CMC1: variants seen among roughly 807,000 people sequenced by gnomAD.
CMC1 encodes the protein COX assembly mitochondrial protein homolog.
CMC1 carries 14 observed loss-of-function variants against 14.1 expected under a neutral mutation model. The ratio of observed to expected loss-of-function variants is 0.99; its 90% CI spans 0.66 to 1.55. CMC1 has a LOEUF of 1.55. CMC1 is among the 40% of genes most tolerant of loss of function. CMC1 has a pLI of 0.00. For missense variants in CMC1, 127 were observed against 123.8 expected (o/e 1.03, Z -0.12); for synonymous variants, 50 against 38.4 (o/e 1.30, Z -1.12).
chr3:28,253,878 C>A, intron 1 of CMC1: 1 of 445,128 alleles, frequency 2.2e-6, no homozygotes, highest in Non-Finnish European at 4.1e-6. Context: ...CTTCATATAT[C>A]ACATTCTTTG....
At chr3:28,284,485 CAT>C (rs1158893099) in intron 2 of CMC1, among the ~76,000 whole-genome samples, 1 of 152,288 alleles carries the variant, frequency 6.6e-6, no homozygotes. Context: ...TAATAGTGCA[CAT>C]GTTTCTCTCC....
chr3:28,279,449 C>G (rs1700755833), intron 2 of CMC1, among the ~76,000 whole-genome samples: 2 of 152,160 alleles, frequency 1.3e-5, no homozygotes, highest in South Asian at 4.1e-4. Context: ...TACACAGAAA[C>G]AAGAAGACAT....
chr3:28,310,410 A>T (rs1192227184), intron 2 of CMC1, among the ~76,000 whole-genome samples: 3 of 152,250 alleles, frequency 2.0e-5, no homozygotes, highest in African/African-American at 7.2e-5. Context: ...TGAGCCCCTG[A>T]ATAAATGAGA....
At chr3:28,263,552 T>A (rs1699841835) in intron 2 of CMC1, among the ~76,000 whole-genome samples, 172 bp downstream of exon 2, 1 of 152,172 alleles carries the variant, frequency 6.6e-6, no homozygotes, top group African/African-American at 2.4e-5. Flanking sequence ...GATGTTCAAT[T>A]CATTTACAGT....
chr3:28,273,963 A>G (rs543252038), intron 2 of CMC1, among the ~76,000 whole-genome samples: 23 of 151,956 alleles, frequency 1.5e-4, no homozygotes, highest in Non-Finnish European at 3.1e-4. Context: ...CCATTCCTCT[A>G]TTTTGAGCCT....
intron 3 of CMC1, chr3:28,318,994 C>T (rs1277570618): frequency 8.2e-6 from 2 of 244,006 alleles, no homozygotes; most frequent in East Asian, 2.3e-4. Context: ...TCATTTCAGG[C>T]CTTTTCTCCT....
rs1332672823 is a variant in CMC1 at position 28,319,552 on chromosome 3, C to G, written c.244C>G (p.Leu82Val). 1 of 1,606,776 alleles carries G rather than the reference C, an allele frequency of 6.2e-7. No homozygotes were observed. Among genetic ancestry groups the G allele is most frequent in the Non-Finnish European group, 8.5e-7 (1 of 1,175,264 alleles). Residue 82 changes from leucine to valine, a missense_variant, in exon 4 of 4, where the codon CTG becomes GTG. By Grantham distance (32) the Leu-to-Val change is conservative. Coordinates refer to ENST00000466830, the MANE Select transcript of CMC1 (RefSeq NM_182523.2). ...AFYEECKMEY[L>V]KEREEFRKTG... is the part of the protein sequence containing the mutation. Reference sequence around the variant, plus strand: ...TTATGAAGAATGCAAAATGGAATACCTGAAGGAAAGGGAAGAATTCAGAAA... The same window carrying G: ...TTATGAAGAATGCAAAATGGAATACGTGAAGGAAAGGGAAGAATTCAGAAA...
intron 2 of CMC1, among the ~76,000 whole-genome samples, chr3:28,280,976 T>C (rs1056538649): frequency 2.6e-5 from 4 of 152,224 alleles, no homozygotes; most frequent in Non-Finnish European, 5.9e-5. Flanking sequence ...GCTTTCACAC[T>C]ACAGCAGTAG....
At chr3:28,252,976 T>G (rs1213353140) in intron 1 of CMC1, among the ~76,000 whole-genome samples, 1 of 152,044 alleles carries the variant, frequency 6.6e-6, no homozygotes, top group Non-Finnish European at 1.5e-5. Context: ...CCTTTTTGTT[T>G]TTGTTTTGTC....
intron 2 of CMC1, among the ~76,000 whole-genome samples, chr3:28,283,067 C>T (rs958897194): frequency 6.7e-6 from 1 of 149,758 alleles, no homozygotes; most frequent in Non-Finnish European, 1.5e-5. Context: ...CTCATACCTT[C>T]CTAGTCAGTG....
chr3:28,294,490 C>T, intron 2 of CMC1: 1 of 974,216 alleles, frequency 1.0e-6, no homozygotes, highest in Non-Finnish European at 1.2e-6. Context: ...GAGAATTTTC[C>T]AAACTAAGTG....
intron 1 of CMC1, among the ~76,000 whole-genome samples, chr3:28,250,810 AT>A (rs1490776036): frequency 6.6e-6 from 1 of 152,192 alleles, no homozygotes; most frequent in Non-Finnish European, 1.5e-5. Flanking sequence ...ACCTTGTGGG[AT>A]TGCCCCAGGA....
chr3:28,302,156 G>A (rs1702086392), intron 2 of CMC1, among the ~76,000 whole-genome samples: 3 of 152,100 alleles, frequency 2.0e-5, no homozygotes, highest in Admixed American at 2.0e-4. Context: ...TGCCAGAATG[G>A]GCTGTAGACC....
intron 2 of CMC1, among the ~76,000 whole-genome samples, chr3:28,288,105 A>G (rs1701284544): frequency 6.6e-6 from 1 of 152,112 alleles, no homozygotes; most frequent in Non-Finnish European, 1.5e-5. Context: ...AAAATTATTG[A>G]ACAGCTCTGG....
At chr3:28,264,997 TTAAAA>T (rs1281707493) in intron 2 of CMC1, among the ~76,000 whole-genome samples, 1 of 152,182 alleles carries the variant, frequency 6.6e-6, no homozygotes, top group Non-Finnish European at 1.5e-5. Context: ...GAGTATAACT[TTAAAA>T]TATTTATTTG....
intron 2 of CMC1, among the ~76,000 whole-genome samples, chr3:28,313,354 T>G (rs1702736217): frequency 1.3e-5 from 2 of 152,204 alleles, no homozygotes; most frequent in South Asian, 4.1e-4. Context: ...TATTCTTTTG[T>G]ATTATCTTAA....
In CMC1 at chr3:28,324,065, G is replaced by T. The variant is rs1166098999; in HGVS notation, c.*4436G>T. ...AATTAATTCTTATAAAGGCAGTTCTGATTATGTTGATCCAAGTAATGCAGT... is the reference window on the plus strand; with the variant it reads ...AATTAATTCTTATAAAGGCAGTTCTTATTATGTTGATCCAAGTAATGCAGT... On this transcript the variant is annotated 3_prime_UTR_variant, in exon 4 of 4. Transcript: ENST00000466830. 5.0e-6 allele frequency: 8 copies of T among 1,608,852 alleles called. No individual in the cohort carries two copies. The highest frequency in any genetic ancestry group is 5.9e-6 in the Non-Finnish European group (7 of 1,176,606).
intron 2 of CMC1, among the ~76,000 whole-genome samples, chr3:28,271,646 G>T (rs1435266950): frequency 1.3e-5 from 2 of 152,120 alleles, no homozygotes; most frequent in African/African-American, 2.4e-5. Flanking sequence ...CTCCACCTTT[G>T]TTCTTTTTGC....
Position 28,293,504 on chromosome 3 carries a change from A to G in CMC1, c.110-22829A>G, listed in dbSNP as rs1701588388. On this transcript the variant is annotated intron_variant, in intron 2 of 3. Coordinates refer to ENST00000466830, the MANE Select transcript of CMC1 (RefSeq NM_182523.2). The stretch of plus-strand genomic sequence containing the variant: ...AGGTAGATGGTTGTAAGATATCAAG[A>G]AGATACTCATCTTTAACGAAAATTT... Among the ~76,000 whole-genome samples, 4 of 152,308 alleles carry G rather than the reference A, an allele frequency of 2.6e-5. No individual in the cohort carries two copies. The South Asian group carries it at 8.3e-4, about 32-fold the overall frequency.
Sources: allele counts gnomAD v4.1 joint callset (sites outside exome capture counted in the v4.1 genomes callset), GRCh38; gene constraint gnomAD v4.1.1; transcripts MANE v1.5; gene names NCBI Gene and HGNC (gene_info 2026-07-23, HGNC 2026-07-21).